Variants in TNFRSF4 observed in about 807,000 individuals in gnomAD.
TNFRSF4 encodes TNF receptor superfamily member 4, also known as tumor necrosis factor receptor superfamily member 4.
Under a neutral mutation model 29.5 loss-of-function variants are expected in TNFRSF4, and 21 were observed. That is an observed-to-expected ratio of 0.71 (90% CI 0.51 to 1.03). The LOEUF (loss-of-function observed/expected upper bound fraction) is 1.03, where lower values mean the gene tolerates loss of function less well. Ranked by LOEUF, TNFRSF4 falls within the 50% of genes least tolerant of loss-of-function variation. The pLI, the probability that TNFRSF4 is intolerant of heterozygous loss-of-function variation, is 0.00. For synonymous variants in TNFRSF4, 197 were observed against 172.7 expected (o/e 1.14, Z -1.10); for missense variants, 408 against 387.8 (o/e 1.05, Z -0.44).
rs968519745 is a variant in TNFRSF4, at chr1:1,211,412, G to A, written c.*143C>T. 50 of 756,176 alleles carry A rather than the reference G, an allele frequency of 6.6e-5. No homozygotes were observed. Among genetic ancestry groups the A allele is most frequent in the Middle Eastern group, 8.0e-4 (2 of 2,488 alleles). 46.8% of individuals were successfully genotyped at this position (756,176 alleles called of 1,614,324 possible). A position where few individuals can be genotyped will look rare whatever the true frequency, so the allele number is the denominator to read the frequency against. ...GCATGGCATACGTAAGCAGAGAGCC[G>A]GAGGCAGCCATCGGCACCTAGAACG... is the stretch of plus-strand genomic sequence containing the variant. On this transcript the variant is annotated 3_prime_UTR_variant, in exon 7 of 7. Coordinates refer to ENST00000379236, the MANE Select transcript of TNFRSF4 (RefSeq NM_003327.4).
rs191704944 is a variant in TNFRSF4, at chr1:1,212,028, G to A, written c.548C>T (p.Pro183Leu). 9.9e-6 allele frequency: 16 copies of A among 1,610,270 alleles called. No homozygotes were observed. Among genetic ancestry groups the A allele is most frequent in the African/African-American group, 2.7e-5 (2 of 74,910 alleles). Residue 183 changes from proline (P) to leucine (L), a missense_variant, in exon 5 of 7, where the codon CCG (proline) becomes CTG (leucine). Physicochemically the swap from Pro to Leu is moderately conservative, Grantham distance 98. Transcript: ENST00000379236. ...ATQPQETQGP[P>L]ARPITVQPTE... ...GGGCTGGACAGTGATGGGCCTGGCC[G>A]GGGGGCCCTGGGTCTCCTGGGGCTG...
At chr1:1,212,884 G>T in intron 3 of TNFRSF4, 108 bp downstream of exon 3, 1 of 1,323,338 alleles carries the variant, frequency 7.6e-7, no homozygotes, top group Non-Finnish European at 1.0e-6. Context: ...TCTTGAGGAT[G>T]CCAGAGGAGG....
chr1:1,211,546 G>A lies in TNFRSF4; in HGVS notation c.*9C>T. ...GGCGGGGCCCAGCGTCCACCTTGGTGGGCCCAGGTCAGATCTTGGCCAGGG... is the reference window on the plus strand; with the variant it reads ...GGCGGGGCCCAGCGTCCACCTTGGTAGGCCCAGGTCAGATCTTGGCCAGGG... On this transcript the variant is annotated 3_prime_UTR_variant, in exon 7 of 7. Coordinates refer to ENST00000379236, the MANE Select transcript of TNFRSF4 (RefSeq NM_003327.4). The A allele has an allele frequency of 6.7e-7, 1 of 1,483,970 alleles. No homozygotes were observed. Among genetic ancestry groups the A allele is most frequent in the Non-Finnish European group, 8.9e-7 (1 of 1,118,554 alleles). The allele number at this position is 1,483,970 out of a possible 1,614,324, so 91.9% of individuals were successfully genotyped here.
rs376354151 is a variant in TNFRSF4 at position 1,213,745 on chromosome 1, C to A, written c.186G>T (p.Thr62=). 7 of 1,603,444 alleles carry A rather than the reference C, an allele frequency of 4.4e-6. No individual in the cohort carries two copies. Among genetic ancestry groups the A allele is most frequent in the South Asian group, 1.1e-5 (1 of 89,182 alleles). ...MVSRCSRSQN[T]VCRPCGPGFY... ...AGCCCGGCCCGCACGGACGGCACAC[C>A]GTGTTCTGGGAGCGGCTGCAGCGGC... Residue 62 remains threonine, a synonymous_variant, in exon 2 of 7, where the codon ACG becomes ACT. Coordinates refer to ENST00000379236, the MANE Select transcript of TNFRSF4 (RefSeq NM_003327.4).
rs2298210 is a variant in TNFRSF4 at position 1,211,473 on chromosome 1, G to A, written c.*82C>T. ...GGCCCAGGAGCGTGGCGGGGCAGGC[G>A]GCCTGCACCTGCCCTGCTCGCCCAG... On this transcript the variant is annotated 3_prime_UTR_variant, in exon 7 of 7. Coordinates refer to ENST00000379236, the MANE Select transcript of TNFRSF4 (RefSeq NM_003327.4). 0.021 allele frequency: 27,858 copies of A among 1,341,256 alleles called. 577 individuals carry two copies. Among genetic ancestry groups the A allele is most frequent in the East Asian group, 0.12 (4,326 of 34,782 alleles). The allele number at this position is 1,341,256 out of a possible 1,614,324, so 83.1% of individuals were successfully genotyped here.
In TNFRSF4 at chr1:1,213,025, T is replaced by A; in HGVS notation, c.337A>T (p.Thr113Ser). The change falls in exon 3 of 7, where the codon ACC (threonine) becomes TCC (serine). Residue 113 changes from threonine to serine, a missense_variant. Physicochemically the swap from Thr to Ser is moderately conservative, Grantham distance 58 (BLOSUM62 1). Transcript: ENST00000379236. ...GGCTTGTAGCTGTCCAGGGGCTGGG[T>A]GCCCGCCCGGCAGCGGCAGACTGTG... The part of the protein sequence containing the change: ...QDTVCRCRAG[T>S]QPLDSYKPGV... The A allele has an allele frequency of 6.2e-7, 1 of 1,611,452 alleles. No homozygotes were observed. Among genetic ancestry groups the A allele is most frequent in the Admixed American group, 1.7e-5 (1 of 59,896 alleles).
chr1:1,213,308 C>G (rs1397198564), intron 2 of TNFRSF4: 20 of 1,526,146 alleles, frequency 1.3e-5, no homozygotes, highest in Non-Finnish European at 1.8e-5. Context: ...CGTGGCAGCC[C>G]CAGCCACCCT....
intron 4 of TNFRSF4, among the ~76,000 whole-genome samples, 176 bp downstream of exon 4, chr1:1,212,462 C>G (rs1035437673): frequency 6.6e-6 from 1 of 152,114 alleles, no homozygotes; most frequent in East Asian, 1.9e-4. Context: ...CTTCCTGCTC[C>G]CCAACCAGGT....
intron 2 of TNFRSF4, 69 bp from the exon 3 acceptor site, chr1:1,213,162 A>C (rs1446306665): frequency 6.5e-7 from 1 of 1,546,298 alleles, no homozygotes; most frequent in Non-Finnish European, 8.7e-7. Context: ...AAGCGTGGGC[A>C]CTGGAGGACA....
intron 4 of TNFRSF4, among the ~76,000 whole-genome samples, 161 bp downstream of exon 4, chr1:1,212,477 C>T (rs35805273): frequency 6.6e-6 from 1 of 151,916 alleles, no homozygotes; most frequent in African/African-American, 2.4e-5. Flanking sequence ...CCAGGTCCAG[C>T]CACATAGCCA....
At chr1:1,212,858 T>G in intron 3 of TNFRSF4, 134 bp downstream of exon 3, 2 of 1,252,886 alleles carry the variant, frequency 1.6e-6, no homozygotes, top group African/African-American at 3.0e-5. Context: ...CCGTGGGCCC[T>G]GACCCGGGAG....
chr1:1,213,923 C>A, intron 1 of TNFRSF4, 60 bp downstream of exon 1: 1 of 1,486,186 alleles, frequency 6.7e-7, no homozygotes, highest in Non-Finnish European at 9.0e-7. Context: ...CTGGCCCATC[C>A]CTGCCCCAGC....
At chr1:1,213,433 G>A (rs999290920) in intron 2 of TNFRSF4, 3 of 1,530,198 alleles carry the variant, frequency 2.0e-6, no homozygotes, top group South Asian at 1.2e-5. Context: ...GGCCAGCGTG[G>A]TCTCCCCGAC....
intron 3 of TNFRSF4, 28 bp from the exon 4 acceptor site, chr1:1,212,732 C>T (rs757421593): frequency 9.9e-6 from 15 of 1,518,402 alleles, no homozygotes; most frequent in Middle Eastern, 1.9e-4. Flanking sequence ...TGGTCAGGGG[C>T]TGCCCACAGG....
rs2100950885 is a variant in TNFRSF4, at chr1:1,212,100, C to T, written c.476G>A (p.Ser159Asn). The change falls in exon 5 of 7, where the codon AGC becomes AAC. Residue 159 changes from serine (S) to asparagine (N), a missense_variant. Physicochemically the swap from Ser to Asn is conservative, Grantham distance 46. Transcript: ENST00000379236. ...CTCACAGATTGCGTCCGAGCTATTG[C>T]TGGCCGGCTGCAGGGTGTGCTTCCC... ...LAGKHTLQPA[S>N]NSSDAICEDR... 1 of 1,612,650 alleles carries T rather than the reference C, an allele frequency of 6.2e-7. No individual in the cohort carries two copies. The highest frequency in any genetic ancestry group is 8.5e-7 in the Non-Finnish European group (1 of 1,179,756).
Position 1,213,068 on chromosome 1 carries a change from C to G in TNFRSF4, c.294G>C (p.Leu98=), listed in dbSNP as rs773356098. 1.2e-6 allele frequency: 2 copies of G among 1,610,716 alleles called. No individual in the cohort carries two copies. Among genetic ancestry groups the G allele is most frequent in the Non-Finnish European group, 1.7e-6 (2 of 1,179,288 alleles). ...AGACTGTGTCCTGTGTGGCCGTGCA[C>G]AGCTGCTTCCGCTCACTCCCACTTC... ...NLRSGSERKQ[L]CTATQDTVCR... Residue 98 remains leucine (L), a synonymous_variant, in exon 3 of 7, where the codon CTG becomes CTC. Coordinates refer to ENST00000379236, the MANE Select transcript of TNFRSF4 (RefSeq NM_003327.4).
In TNFRSF4 at chr1:1,211,627, T is replaced by C. The variant is rs766530696; in HGVS notation, c.764-2A>G. On this transcript the variant is annotated splice_acceptor_variant, in intron 6 of 6. Coordinates refer to ENST00000379236, the MANE Select transcript of TNFRSF4 (RefSeq NM_003327.4). LOFTEE classifies it high-confidence loss of function. ...TGGGGGTCCGGAAACTGCCTCCCCC[T>C]GGGGAGGAAAAAAGGAGAGATTGGT... The C allele has an allele frequency of 1.9e-6, 3 of 1,554,424 alleles. No individual in the cohort carries two copies. Among genetic ancestry groups the C allele is most frequent in the Non-Finnish European group, 2.6e-6 (3 of 1,152,350 alleles).
chr1:1,213,352 C>T lies in TNFRSF4; in HGVS notation c.269-259G>A. ...CCTCCACCGCCTCCAGCCGCCAGCC[C>T]CGCCTGCGGCAGGGTCTCCATGGCC... On this transcript the variant is annotated intron_variant, in intron 2 of 6. Coordinates refer to ENST00000379236, the MANE Select transcript of TNFRSF4 (RefSeq NM_003327.4). The T allele has an allele frequency of 2.0e-6, 3 of 1,531,566 alleles. No individual in the cohort carries two copies. In the African/African-American group the frequency reaches 4.1e-5, roughly 21 times the overall value. 94.9% of individuals were successfully genotyped at this position (1,531,566 alleles called of 1,614,324 possible).
At chr1:1,213,449 G>T in intron 2 of TNFRSF4, 1 of 1,521,194 alleles carries the variant, frequency 6.6e-7, no homozygotes. Flanking sequence ...CCGACTCCAC[G>T]TGGCCTGGGC....
Sources: gnomAD v4.1 joint callset for allele counts (sites outside exome capture counted in the v4.1 genomes callset) on GRCh38, gnomAD v4.1.1 for gene constraint, MANE v1.5 for transcripts, NCBI Gene and HGNC (gene_info 2026-07-23, HGNC 2026-07-21) for gene names.